ACVR1: variants seen among roughly 807,000 people sequenced by gnomAD.
ACVR1 encodes the protein activin receptor type-1.
ACVR1 carries 38 observed loss-of-function variants against 57.1 expected under a neutral mutation model. That is an observed-to-expected ratio of 0.67 (90% CI 0.51 to 0.87). The LOEUF (loss-of-function observed/expected upper bound fraction) is 0.87. ACVR1 is among the 40% of genes least tolerant of loss of function. The pLI, the probability that ACVR1 is intolerant of heterozygous loss-of-function variation, is 0.00. For synonymous variants in ACVR1, 212 were observed against 228.1 expected (o/e 0.93, Z 0.63); for missense variants, 463 against 638.2 (o/e 0.73, Z 2.96).
At chr2:157,826,632 C>T (rs113234334) in intron 1 of ACVR1, 3 of 129,936 alleles carry the variant, frequency 2.3e-5, no homozygotes, top group South Asian at 2.4e-4. Flanking sequence ...ACAGACTGGG[C>T]GACAGAGTAA....
chr2:157,870,112 T>C (rs1690069323), intron 1 of ACVR1, among the ~76,000 whole-genome samples: 1 of 152,256 alleles, frequency 6.6e-6, no homozygotes, highest in African/African-American at 2.4e-5. Context: ...CCATCCCTTC[T>C]ATTCCAGAAT....
Position 157,876,295 on chromosome 2 carries a change from G to A in ACVR1, c.-682C>T, listed in dbSNP as rs1558864326. 2.0e-5 allele frequency among the ~76,000 whole-genome samples: 3 copies of A among 149,600 alleles called. No homozygotes were observed. The highest frequency in any genetic ancestry group is 3.0e-5 in the Non-Finnish European group (2 of 67,202). On this transcript the variant is annotated 5_prime_UTR_variant, in exon 1 of 11. Transcript: ENST00000434821. ...GTAGAAAAGTTCCCCCTGCGCCGAG[G>A]GGGAGGCTGCGGCGGCGGCGGCGGC...
chr2:157,769,018 C>A (rs1003563321), intron 7 of ACVR1, among the ~76,000 whole-genome samples: 6 of 152,134 alleles, frequency 3.9e-5, no homozygotes, highest in Non-Finnish European at 7.3e-5. Flanking sequence ...TCGGGGAATG[C>A]AGAAAAGCAC....
chr2:157,756,798 T>C (rs1685441711), intron 9 of ACVR1, among the ~76,000 whole-genome samples: 2 of 151,652 alleles, frequency 1.3e-5, no homozygotes, highest in South Asian at 4.1e-4. Context: ...GCAATTCCAC[T>C]ACTGAGTACC....
chr2:157,856,197 T>A (rs1413621579), intron 1 of ACVR1, among the ~76,000 whole-genome samples: 1 of 152,150 alleles, frequency 6.6e-6, no homozygotes, highest in African/African-American at 2.4e-5. Context: ...GAAAAAAGCC[T>A]TCAGTTCCCC....
chr2:157,865,359 T>C (rs749803302), intron 1 of ACVR1, among the ~76,000 whole-genome samples: 5 of 152,200 alleles, frequency 3.3e-5, no homozygotes, highest in Admixed American at 6.5e-5. Context: ...CCACATTGCT[T>C]CACAAATAAA....
intron 1 of ACVR1, among the ~76,000 whole-genome samples, chr2:157,835,133 T>A (rs1688735460): frequency 6.6e-6 from 1 of 152,154 alleles, no homozygotes; most frequent in African/African-American, 2.4e-5. Context: ...TCCTGATGTT[T>A]CCTTTTTAGG....
intron 3 of ACVR1, among the ~76,000 whole-genome samples, chr2:157,792,311 G>A (rs765062322): frequency 4.9e-4 from 75 of 152,118 alleles, no homozygotes; most frequent in Non-Finnish European, 9.3e-4. Flanking sequence ...CATTAACCAT[G>A]GCTCTAGGAA....
At chr2:157,806,277 A>T (rs953427378) in intron 2 of ACVR1, among the ~76,000 whole-genome samples, 1 of 152,014 alleles carries the variant, frequency 6.6e-6, no homozygotes, top group Admixed American at 6.5e-5. Context: ...ACAATTTCAT[A>T]TTACTCTGTG....
At chr2:157,816,592 GC>G (rs1351002980) in intron 2 of ACVR1, among the ~76,000 whole-genome samples, 1 of 149,458 alleles carries the variant, frequency 6.7e-6, no homozygotes, top group Non-Finnish European at 1.5e-5. Flanking sequence ...GTGAGACCCT[GC>G]CTCAAAATAG....
intron 2 of ACVR1, among the ~76,000 whole-genome samples, chr2:157,817,394 T>C (rs1168498318): frequency 6.6e-6 from 1 of 152,180 alleles, no homozygotes; most frequent in Non-Finnish European, 1.5e-5. Context: ...GGGAAATGAA[T>C]AGGTAGAACA....
chr2:157,816,832 A>G (rs1416113433), intron 2 of ACVR1, among the ~76,000 whole-genome samples: 2 of 152,154 alleles, frequency 1.3e-5, no homozygotes, highest in African/African-American at 4.8e-5. Flanking sequence ...TCAGAAAGAC[A>G]CACACATCAA....
intron 1 of ACVR1, among the ~76,000 whole-genome samples, chr2:157,829,570 G>A (rs904655637): frequency 3.3e-5 from 5 of 152,118 alleles, no homozygotes; most frequent in Admixed American, 6.5e-5. Flanking sequence ...CAACATCATC[G>A]AGTTATCATC....
Position 157,738,291 on chromosome 2 carries a change from T to C in ACVR1, c.1395+149A>G, listed in dbSNP as rs151099717. ...GAGTATTTTTCTGAACTTACTCTTC[T>C]AGATCTAAACCCTTCTATATAAAAT... is the stretch of plus-strand genomic sequence containing the variant. On this transcript the variant is annotated intron_variant, in intron 10 of 10. Coordinates refer to ENST00000434821, the MANE Select transcript of ACVR1 (RefSeq NM_001111067.4). 1,924 of 1,225,102 alleles carry C rather than the reference T, an allele frequency of 1.6e-3. 16 individuals are homozygous for C. The African/African-American group carries it at 0.023, about 15-fold the overall frequency. The allele number at this position is 1,225,102 out of a possible 1,614,324, so 75.9% of individuals were successfully genotyped here.
In ACVR1 at chr2:157,857,063, G is replaced by A. The variant is rs563303191; in HGVS notation, c.-183+18733C>T. Among the ~76,000 whole-genome samples the A allele has an allele frequency of 1.8e-4, 27 of 152,144 alleles. 1 individual carries two copies. The South Asian group carries it at 4.2e-3, about 23-fold the overall frequency. ...AAAATACAAAAATTAGCCAGGTGTG[G>A]TGGTACGCACTGTAGTCTCAGCTAT... On this transcript the variant is annotated intron_variant, in intron 1 of 10. Coordinates refer to ENST00000434821, the MANE Select transcript of ACVR1 (RefSeq NM_001111067.4).
chr2:157,770,664 C>A (rs1686040638), intron 6 of ACVR1, 150 bp from the exon 7 acceptor site: 1 of 844,550 alleles, frequency 1.2e-6, no homozygotes, highest in African/African-American at 1.7e-5. Context: ...AATATCACAA[C>A]CTTTATTTTT....
rs75271557 is a variant in ACVR1 at position 157,783,347 on chromosome 2, T to C, written c.68-2747A>G. Among the ~76,000 whole-genome samples, 734 of 152,318 alleles carry C rather than the reference T, an allele frequency of 4.8e-3. 10 individuals carry two copies. Among genetic ancestry groups the C allele is most frequent in the African/African-American group, 0.016 (683 of 41,552 alleles). The stretch of plus-strand genomic sequence containing the variant: ...GCTGTGCAGGGAGCCTGGCAGACGT[T>C]TGGACTATAACCTAAAGAGTTTGCC... On this transcript the variant is annotated intron_variant, in intron 3 of 10. Coordinates refer to ENST00000434821, the MANE Select transcript of ACVR1 (RefSeq NM_001111067.4).
chr2:157,846,835 C>T (rs537682404), intron 1 of ACVR1, among the ~76,000 whole-genome samples: 3 of 152,226 alleles, frequency 2.0e-5, no homozygotes, highest in East Asian at 3.9e-4. Flanking sequence ...AAGCTAATTC[C>T]ACCTCCTGGC....
intron 1 of ACVR1, among the ~76,000 whole-genome samples, chr2:157,826,847 A>G: frequency 7.2e-6 from 1 of 139,554 alleles, no homozygotes; most frequent in Non-Finnish European, 1.5e-5. Context: ...AGAGGGGAAA[A>G]GGAAAAGAAG....
Sources: allele counts gnomAD v4.1 joint callset (sites outside exome capture counted in the v4.1 genomes callset), GRCh38; gene constraint gnomAD v4.1.1; transcripts MANE v1.5; gene names NCBI Gene and HGNC (gene_info 2026-07-23, HGNC 2026-07-21).